Variants in CFAP77 observed in about 807,000 individuals in gnomAD.
CFAP77 encodes the protein cilia and flagella associated protein 77.
In CFAP77, 25 loss-of-function variants were observed where a neutral mutation model predicts 31.1. The observed-to-expected ratio is 0.80, with a 90% confidence interval of 0.59 to 1.12. CFAP77 has a LOEUF of 1.12. Ranked by LOEUF, CFAP77 falls within the 50% of genes most tolerant of loss-of-function variation. CFAP77 has a pLI of 0.00. For missense variants in CFAP77, 377 were observed against 397.3 expected, an observed-to-expected ratio of 0.95 and a Z score of 0.44; for synonymous variants, 151 against 159.9, an observed-to-expected ratio of 0.94 and a Z score of 0.42.
intron 1 of CFAP77, among the ~76,000 whole-genome samples, chr9:132,446,986 C>T (rs1036283348): frequency 6.6e-6 from 1 of 152,098 alleles, no homozygotes; most frequent in African/African-American, 2.4e-5. Context: ...AACTCCTGGG[C>T]TCAAGTGCTT....
chr9:132,520,848 C>G (rs1263560623), intron 3 of CFAP77, among the ~76,000 whole-genome samples: 1 of 152,236 alleles, frequency 6.6e-6, no homozygotes, highest in Non-Finnish European at 1.5e-5. Context: ...TCCTCTCTCC[C>G]TGGGCTCTGA....
chr9:132,518,472 T>C (rs1342527228), intron 3 of CFAP77, among the ~76,000 whole-genome samples: 3 of 152,168 alleles, frequency 2.0e-5, no homozygotes, highest in Non-Finnish European at 4.4e-5. Flanking sequence ...TCCCTGAGCA[T>C]CACACGGGCA....
chr9:132,542,231 C>T (rs1416179951), intron 4 of CFAP77, among the ~76,000 whole-genome samples: 5 of 152,234 alleles, frequency 3.3e-5, no homozygotes, highest in Non-Finnish European at 5.9e-5. Flanking sequence ...GACTCCCAAA[C>T]CAGGGCCTCC....
At chr9:132,556,557 C>A (rs1458471427) in intron 5 of CFAP77, among the ~76,000 whole-genome samples, 1 of 152,156 alleles carries the variant, frequency 6.6e-6, no homozygotes, top group Non-Finnish European at 1.5e-5. Flanking sequence ...GTCTGGAAAA[C>A]ACACACACAC....
Position 132,410,422 on chromosome 9 carries a change from G to A in CFAP77, c.151G>A (p.Gly51Arg), listed in dbSNP as rs528634693. 1.6e-5 allele frequency: 26 copies of A among 1,599,452 alleles called. No homozygotes were observed. The highest frequency in any genetic ancestry group is 1.2e-4 in the South Asian group (11 of 89,912). Residue 51 changes from glycine (G) to arginine (R), a missense_variant, in exon 1 of 6, where the codon GGG becomes AGG. Coordinates refer to ENST00000393216, the MANE Select transcript of CFAP77 (RefSeq NM_001282957.2). Reference sequence around the variant, plus strand: ...TTCCGGCATGGAGAACGAGCGGCTGGGGGTCGTGCGGGACTCCATGTTTCA... The same window carrying A: ...TTCCGGCATGGAGAACGAGCGGCTGAGGGTCGTGCGGGACTCCATGTTTCA... ...IRSGMENERL[G>R]VVRDSMFQNP...
In CFAP77 at chr9:132,517,194, A is replaced by G. The variant is rs139366003; in HGVS notation, c.524+17594A>G. Among the ~76,000 whole-genome samples, 3 of 152,230 alleles carry G rather than the reference A, an allele frequency of 2.0e-5. No homozygotes were observed. Among genetic ancestry groups the G allele is most frequent in the African/African-American group, 7.2e-5 (3 of 41,526 alleles). On this transcript the variant is annotated intron_variant, in intron 3 of 5. Coordinates refer to ENST00000393216, the MANE Select transcript of CFAP77 (RefSeq NM_001282957.2). This position sits in a 1 kb window ranked among gnomAD's most constrained non-coding sequence, Gnocchi z 4.7. ...CTCCCTCCTCCCAAACCAGCCATCT[A>G]CGGTCTCAGGCCCAGCCTCAGAGGC...
intron 1 of CFAP77, among the ~76,000 whole-genome samples, chr9:132,435,520 T>G (rs1349895992): frequency 6.6e-6 from 1 of 152,182 alleles, no homozygotes; most frequent in Admixed American, 6.5e-5. Flanking sequence ...AGTGAAGGAA[T>G]CTGAATGCTT....
intron 1 of CFAP77, among the ~76,000 whole-genome samples, chr9:132,419,356 C>T (rs1850167599): frequency 6.6e-6 from 1 of 152,308 alleles, no homozygotes; most frequent in East Asian, 1.9e-4. Context: ...TGCCAGGTGG[C>T]TGGTTGTTTG....
intron 3 of CFAP77, among the ~76,000 whole-genome samples, chr9:132,531,809 G>A (rs979936262): frequency 6.6e-6 from 1 of 152,148 alleles, no homozygotes; most frequent in East Asian, 1.9e-4. Context: ...GACTCCCAGG[G>A]TTTGTCGGTT....
chr9:132,482,875 T>C (rs1447689721), intron 1 of CFAP77, among the ~76,000 whole-genome samples: 2 of 148,490 alleles, frequency 1.3e-5, no homozygotes, highest in Non-Finnish European at 3.0e-5. Context: ...ATGGGTGCAG[T>C]ACACCAGCAT....
At chr9:132,450,225 C>T (rs1399310839) in intron 1 of CFAP77, among the ~76,000 whole-genome samples, 2 of 151,222 alleles carry the variant, frequency 1.3e-5, no homozygotes, top group Admixed American at 6.6e-5. Context: ...CCACCACGCC[C>T]GGCCGATTAA....
At chr9:132,463,584 C>T (rs749983499) in intron 1 of CFAP77, among the ~76,000 whole-genome samples, 1 of 152,128 alleles carries the variant, frequency 6.6e-6, no homozygotes, top group Non-Finnish European at 1.5e-5. Flanking sequence ...GGAGCCTGGC[C>T]CCGGTGGAAG....
Position 132,525,077 on chromosome 9 carries a change from T to A in CFAP77, c.525-12524T>A, listed in dbSNP as rs1021107821. Reference sequence around the variant, plus strand: ...TTGTGACGCCCAGGTTGGAGTGCAATGGCACAATCTCAGCTCACTGCAACC... The same window carrying A: ...TTGTGACGCCCAGGTTGGAGTGCAAAGGCACAATCTCAGCTCACTGCAACC... On this transcript the variant is annotated intron_variant, in intron 3 of 5. Transcript: ENST00000393216. Among the ~76,000 whole-genome samples the A allele has an allele frequency of 6.1e-5, 9 of 147,330 alleles. 1 individual carries two copies. Among genetic ancestry groups the A allele is most frequent in the Non-Finnish European group, 1.4e-4 (9 of 66,238 alleles).
At chr9:132,538,523 C>T (rs1274871191) in intron 4 of CFAP77, among the ~76,000 whole-genome samples, 2 of 152,226 alleles carry the variant, frequency 1.3e-5, no homozygotes, top group Admixed American at 6.5e-5. Flanking sequence ...CGGTGGCTCA[C>T]GCCTGTAATC....
intron 1 of CFAP77, among the ~76,000 whole-genome samples, chr9:132,423,617 A>T (rs1850264353): frequency 2.0e-5 from 3 of 152,186 alleles, no homozygotes; most frequent in Admixed American, 1.3e-4. Flanking sequence ...TGTCATCCCA[A>T]AGCCTGAGGT....
rs7026791 is a variant in CFAP77 at position 132,539,771 on chromosome 9, A to C, written c.630+2065A>C. On this transcript the variant is annotated intron_variant, in intron 4 of 5. Transcript: ENST00000393216. The surrounding 1 kb of genome is among the most constrained non-coding windows in gnomAD (Gnocchi z 4.3). The stretch of plus-strand genomic sequence containing the variant: ...TTAAAGAGCTCGGCCTTGTAATAAC[A>C]TTTTAAGAGCAACCCACGACTAGTT... Among the ~76,000 whole-genome samples, 10,218 of 152,150 alleles carry C rather than the reference A, an allele frequency of 0.067. 1,138 individuals are homozygous for C. The highest frequency in any genetic ancestry group is 0.23 in the African/African-American group (9,713 of 41,456).
intron 1 of CFAP77, among the ~76,000 whole-genome samples, chr9:132,459,158 G>A (rs1285168700): frequency 1.3e-4 from 20 of 150,142 alleles, no homozygotes; most frequent in Admixed American, 1.3e-3. Context: ...TGCAAGCTCC[G>A]CCTCCCAGGT....
chr9:132,554,358 T>A lies in CFAP77; in HGVS notation c.732+11311T>A, dbSNP rs976923124. Among the ~76,000 whole-genome samples, 1 of 152,130 alleles carries A rather than the reference T, an allele frequency of 6.6e-6. No homozygotes were observed. Among genetic ancestry groups the A allele is most frequent in the African/African-American group, 2.4e-5 (1 of 41,420 alleles). On this transcript the variant is annotated intron_variant, in intron 5 of 5. Transcript: ENST00000393216. The surrounding 1 kb of genome is among the most constrained non-coding windows in gnomAD (Gnocchi z 4.1). ...CCCTTATTTTTATTTTATTTATTTTTTTTTTTGAGACAGGCTCTCACTCTG... is the reference window on the plus strand; with the variant it reads ...CCCTTATTTTTATTTTATTTATTTTATTTTTTGAGACAGGCTCTCACTCTG...
intron 1 of CFAP77, among the ~76,000 whole-genome samples, chr9:132,445,595 C>T (rs1033533859): frequency 2.6e-5 from 4 of 152,050 alleles, no homozygotes; most frequent in South Asian, 4.2e-4. Context: ...ATGCTGGGCG[C>T]GGTGGCTCAC....
Sources: allele counts gnomAD v4.1 joint callset (sites outside exome capture counted in the v4.1 genomes callset), GRCh38; gene constraint gnomAD v4.1.1; non-coding constraint Gnocchi (gnomAD v3.1); transcripts MANE v1.5; gene names NCBI Gene and HGNC (gene_info 2026-07-23, HGNC 2026-07-21).